The following MORN1 variants were observed in gnomAD, a reference collection of about 807,000 sequenced individuals.
MORN1 encodes MORN repeat containing 1.
MORN1 carries 67 observed loss-of-function variants against 61.9 expected under a neutral mutation model. The ratio of observed to expected loss-of-function variants is 1.08; its 90% CI spans 0.89 to 1.33. The LOEUF (loss-of-function observed/expected upper bound fraction) is 1.33, where lower values mean the gene tolerates loss of function less well. Ranked by LOEUF, MORN1 falls within the 40% of genes most tolerant of loss-of-function variation. MORN1 has a pLI of 0.00. For synonymous variants in MORN1, 301 were observed against 292.0 expected, an observed-to-expected ratio of 1.03 and a Z score of -0.31; for missense variants, 752 against 691.2, an observed-to-expected ratio of 1.09 and a Z score of -0.99.
intron 10 of MORN1, chr1:2,355,611 T>G: frequency 1.3e-6 from 1 of 798,572 alleles, no homozygotes; most frequent in Non-Finnish European, 2.0e-6. Flanking sequence ...CCGCTGCCGC[T>G]TTCTCCCACT....
At chr1:2,335,948 G>A (rs1021520657) in intron 12 of MORN1, among the ~76,000 whole-genome samples, 13 of 151,848 alleles carry the variant, frequency 8.6e-5, no homozygotes, top group African/African-American at 2.2e-4. Flanking sequence ...AGAACCGGCC[G>A]GTTACGGCCC....
Position 2,385,846 on chromosome 1 carries a change from T to G in MORN1, c.410A>C (p.His137Pro). The stretch of plus-strand genomic sequence containing the variant: ...CCCAGGGCCGTGCCTCTTGTTGTCA[T>G]GGAAGGAGCCCTGGTACACTTGTCC... ...RDGQVYQGSF[H>P]DNKRHGPGQM... The change falls in exon 5 of 14, where the codon CAT becomes CCT. Residue 137 changes from histidine to proline, a missense_variant. His to Pro is a moderately conservative substitution (Grantham distance 77). Coordinates refer to ENST00000378531, the MANE Select transcript of MORN1 (RefSeq NM_024848.3). 6.2e-7 allele frequency: 1 copy of G among 1,613,958 alleles called. No homozygotes were observed. The highest frequency in any genetic ancestry group is 8.5e-7 in the Non-Finnish European group (1 of 1,180,020).
intron 10 of MORN1, 117 bp from the exon 11 acceptor site, chr1:2,336,967 C>T: frequency 5.0e-6 from 6 of 1,191,120 alleles, no homozygotes; most frequent in African/African-American, 3.2e-5. Context: ...AGACGCCAGT[C>T]GCGATGCCAT....
intron 8 of MORN1, among the ~76,000 whole-genome samples, chr1:2,363,898 G>C (rs1569998866): frequency 6.6e-6 from 1 of 151,544 alleles, no homozygotes; most frequent in East Asian, 1.9e-4. Context: ...TAGATATAGA[G>C]GGGAAACAAA....
At chr1:2,339,661 G>A (rs968305428) in intron 10 of MORN1, among the ~76,000 whole-genome samples, 9 of 152,034 alleles carry the variant, frequency 5.9e-5, no homozygotes, top group Non-Finnish European at 1.2e-4. Flanking sequence ...GTCTCCCACC[G>A]AGTCGCTGGC....
At chr1:2,388,002 T>G in intron 3 of MORN1, 1 of 509,544 alleles carries the variant, frequency 2.0e-6, no homozygotes, top group South Asian at 3.1e-5. Flanking sequence ...AAAGAAATAG[T>G]GTAACTTGGG....
At chr1:2,338,847 C>T (rs1641337203) in intron 10 of MORN1, among the ~76,000 whole-genome samples, 1 of 152,154 alleles carries the variant, frequency 6.6e-6, no homozygotes, top group Admixed American at 6.5e-5. Flanking sequence ...TCACGACATC[C>T]CTGCTCTCCT....
At position 2,337,790 on chromosome 1, in the gene MORN1, C is replaced by T. The variant is rs1226381057; in HGVS notation, c.1037-940G>A. Among the ~76,000 whole-genome samples the T allele has an allele frequency of 6.6e-6, 1 of 152,080 alleles. No individual in the cohort carries two copies. The highest frequency in any genetic ancestry group is 6.6e-5 in the Admixed American group (1 of 15,260). ...ATGTGGTGAGGGCTGGAGGTCGGCACCAGAGCTGGCTGGACAGGGGAGTTC... is the reference window on the plus strand; with the variant it reads ...ATGTGGTGAGGGCTGGAGGTCGGCATCAGAGCTGGCTGGACAGGGGAGTTC... On this transcript the variant is annotated intron_variant, in intron 10 of 13. Coordinates refer to ENST00000378531, the MANE Select transcript of MORN1 (RefSeq NM_024848.3). This position sits in a 1 kb window ranked among gnomAD's most constrained non-coding sequence, Gnocchi z 5.7.
In MORN1 at chr1:2,322,988, G is replaced by C. The variant is rs1185346580; in HGVS notation, c.1297+1109C>G. On this transcript the variant is annotated intron_variant, in intron 13 of 13. Transcript: ENST00000378531. ...CCATACGTACATGGCTTAGCCCCAA[G>C]TGGCCCCTGAATCGGATCTCCCTTC... 9.1e-6 allele frequency: 9 copies of C among 985,444 alleles called. No homozygotes were observed. The South Asian group carries it at 3.8e-4, about 41-fold the overall frequency. 61.0% of individuals were successfully genotyped at this position (985,444 alleles called of 1,614,324 possible). A position where few individuals can be genotyped will look rare whatever the true frequency, so the allele number is the denominator to read the frequency against.
At chr1:2,345,950 G>A (rs149988838) in intron 10 of MORN1, among the ~76,000 whole-genome samples, 227 of 152,278 alleles carry the variant, frequency 1.5e-3, no homozygotes, top group Admixed American at 2.4e-3. Flanking sequence ...GTCTGCCAAA[G>A]ATGCAGCCTG....
At chr1:2,348,016 G>A (rs1215181193) in intron 10 of MORN1, among the ~76,000 whole-genome samples, 1 of 152,206 alleles carries the variant, frequency 6.6e-6, no homozygotes, top group Non-Finnish European at 1.5e-5. Flanking sequence ...ACGCCTCGGG[G>A]TCAGACCCCA....
At chr1:2,342,855 T>TTATTC (rs1641425725) in intron 10 of MORN1, among the ~76,000 whole-genome samples, 1 of 108,456 alleles carries the variant, frequency 9.2e-6, no homozygotes, top group African/African-American at 3.8e-5. Context: ...TTATTTTATT[T>TTATTC]TATTTTATTT....
chr1:2,385,244 C>A (rs1383232634), intron 5 of MORN1, 179 bp from the exon 6 acceptor site: 2 of 628,772 alleles, frequency 3.2e-6, no homozygotes, highest in Admixed American at 2.9e-5. Flanking sequence ...CGACGACAGG[C>A]GGTGGGGACA....
chr1:2,330,156 G>T (rs1182826160), intron 12 of MORN1, among the ~76,000 whole-genome samples: 1 of 152,346 alleles, frequency 6.6e-6, no homozygotes. Flanking sequence ...CGAGTCACAG[G>T]CTGCTTTGCT....
rs1640878873 is a variant in MORN1, at chr1:2,321,469, G to A, written c.1408C>T (p.Pro470Ser). ...RVVAKRAGQPPHVLEEGPEAS... is the reference protein window; with the variant it reads ...RVVAKRAGQPSHVLEEGPEAS... The stretch of plus-strand genomic sequence containing the variant: ...TCAGGGCCTTCTTCCAGGACATGGG[G>A]TGGCTGGCCAGCCCTCTTCGCTACG... Residue 470 changes from proline to serine, a missense_variant, in exon 14 of 14, where the codon CCC (proline) becomes TCC (serine). Coordinates refer to ENST00000378531, the MANE Select transcript of MORN1 (RefSeq NM_024848.3). The A allele has an allele frequency of 1.3e-6, 2 of 1,537,010 alleles. No individual in the cohort carries two copies. The highest frequency in any genetic ancestry group is 2.8e-5 in the African/African-American group (2 of 72,550).
chr1:2,334,465 C>CCCTGGGT lies in MORN1; in HGVS notation c.1250+2003_1250+2004insACCCAGG, dbSNP rs1641223237. On this transcript the variant is annotated intron_variant, in intron 12 of 13. Coordinates refer to ENST00000378531, the MANE Select transcript of MORN1 (RefSeq NM_024848.3). The surrounding 1 kb of genome is among the most constrained non-coding windows in gnomAD (Gnocchi z 5.4). ...TACGGAGAGTTCCCGATGGGAAAGA[C>CCCTGGGT]TCCCCAGGGTTTCCGCACCCAGAAG... Among the ~76,000 whole-genome samples, 1 of 152,194 alleles carries CCCTGGGT rather than the reference C, an allele frequency of 6.6e-6. No homozygotes were observed. The highest frequency in any genetic ancestry group is 2.1e-4 in the South Asian group (1 of 4,832).
Position 2,328,624 on chromosome 1 carries a change from A to G in MORN1, c.1251-4481T>C, listed in dbSNP as rs1641084714. 3.3e-5 allele frequency among the ~76,000 whole-genome samples: 5 copies of G among 152,188 alleles called. No homozygotes were observed. The South Asian group carries it at 1.0e-3, about 31-fold the overall frequency. On this transcript the variant is annotated intron_variant, in intron 12 of 13. Transcript: ENST00000378531. Reference sequence around the variant, plus strand: ...TTCTGCAGCCCCGGGAGCCCCTGTGAAAGTCTGAAAATCAGGGCCCTTGGC... The same window carrying G: ...TTCTGCAGCCCCGGGAGCCCCTGTGGAAGTCTGAAAATCAGGGCCCTTGGC...
At chr1:2,379,222 T>C in intron 6 of MORN1, 1 of 464,178 alleles carries the variant, frequency 2.2e-6, no homozygotes, top group Non-Finnish European at 4.5e-6. Flanking sequence ...GATGGGTGGA[T>C]CAGAGCTGAT....
intron 10 of MORN1, among the ~76,000 whole-genome samples, chr1:2,342,547 TGGA>T (rs1641417015): frequency 6.6e-6 from 1 of 152,174 alleles, no homozygotes; most frequent in African/African-American, 2.4e-5. Context: ...GGGTGGGGCC[TGGA>T]GAAGTCAGCG....
Sources: gnomAD v4.1 joint callset for allele counts (sites outside exome capture counted in the v4.1 genomes callset) on GRCh38, gnomAD v4.1.1 for gene constraint, Gnocchi (gnomAD v3.1) non-coding constraint, MANE v1.5 for transcripts, NCBI Gene and HGNC (gene_info 2026-07-23, HGNC 2026-07-21) for gene names.